The following QPCT variants were observed in gnomAD, a reference collection of about 807,000 sequenced individuals.
QPCT encodes glutaminyl-peptide cyclotransferase.
In QPCT, 44 loss-of-function variants were observed where a neutral mutation model predicts 43.4. The observed-to-expected ratio is 1.01, with a 90% CI of 0.80 to 1.30. QPCT has a LOEUF of 1.30. QPCT is among the 50% of genes most tolerant of loss of function. QPCT has a pLI of 0.00. For synonymous variants in QPCT, 168 were observed against 168.4 expected (o/e 1.00, Z 0.02); for missense variants, 526 against 436.5 (o/e 1.21, Z -1.83).
In QPCT at chr2:37,369,692, T is replaced by A. The variant is rs764385184; in HGVS notation, c.731T>A (p.Leu244Ter). ...TTACTTTTTCTCCCTCAGGATTTAT[T>A]GGTCTTATTGGATTTGATTGGAGCT... is the stretch of plus-strand genomic sequence containing the variant. ...GTSQLHGMDL[L>*]VLLDLIGAPN... The change falls in exon 5 of 7, where the codon TTG becomes TAG. Residue 244 changes from leucine to a stop codon, truncating the protein, a stop_gained. Transcript: ENST00000338415. LOFTEE classifies it high-confidence loss of function. 3.8e-6 allele frequency: 6 copies of A among 1,590,062 alleles called. No homozygotes were observed. The highest frequency in any genetic ancestry group is 5.2e-6 in the Non-Finnish European group (6 of 1,158,044).
At chr2:37,351,424 G>A (rs1672624344) in intron 1 of QPCT, among the ~76,000 whole-genome samples, 1 of 152,176 alleles carries the variant, frequency 6.6e-6, no homozygotes, top group Non-Finnish European at 1.5e-5. Context: ...CAGTATGTGT[G>A]AAGTCATCCA....
intron 2 of QPCT, among the ~76,000 whole-genome samples, chr2:37,355,811 A>G (rs1672730916): frequency 6.6e-6 from 1 of 152,226 alleles, no homozygotes; most frequent in African/African-American, 2.4e-5. Context: ...ATGGGCAAGC[A>G]ATATCCTTTG....
At chr2:37,347,220 T>TATATATAAC (rs1672520799) in intron 1 of QPCT, among the ~76,000 whole-genome samples, 2 of 70,240 alleles carry the variant, frequency 2.8e-5, no homozygotes, top group African/African-American at 1.4e-4. Flanking sequence ...ATATATAACA[T>TATATATAAC]ATATATATAA....
At chr2:37,366,177 G>A (rs188748875) in intron 3 of QPCT, among the ~76,000 whole-genome samples, 8 of 152,302 alleles carry the variant, frequency 5.3e-5, no homozygotes, top group Admixed American at 2.6e-4. Flanking sequence ...GTTCCAGTGG[G>A]ATTGAAGGAC....
chr2:37,369,939 G>A (rs2124943137), intron 5 of QPCT, among the ~76,000 whole-genome samples, 155 bp downstream of exon 5: 1 of 152,270 alleles, frequency 6.6e-6, no homozygotes, highest in East Asian at 1.9e-4. Flanking sequence ...ATCAGCTAGG[G>A]TCAGGAGTTT....
intron 1 of QPCT, 75 bp from the exon 2 acceptor site, chr2:37,352,714 T>C: frequency 1.3e-6 from 2 of 1,523,510 alleles, no homozygotes; most frequent in Non-Finnish European, 1.8e-6. Context: ...TTTTAAGCAA[T>C]TAATTGAAAA....
chr2:37,354,398 T>C (rs1232685622), intron 2 of QPCT, among the ~76,000 whole-genome samples: 1 of 152,346 alleles, frequency 6.6e-6, no homozygotes. Context: ...GGTCAGGCAC[T>C]TTACTGAGTT....
chr2:37,367,366 G>T lies in QPCT; in HGVS notation c.681G>T (p.Pro227=). The change falls in exon 4 of 7, where the codon CCG becomes CCT. Residue 227 remains proline, a synonymous_variant. Transcript: ENST00000338415. ...TAGCTGCAAAGATGGCATCGACCCC[G>T]CACCCACCTGGAGCGAGAGGCACCA... The part of the protein sequence containing the change: ...RHLAAKMAST[P]HPPGARGTSQ... 6.2e-7 allele frequency: 1 copy of T among 1,613,840 alleles called. No individual in the cohort carries two copies. Among genetic ancestry groups the T allele is most frequent in the Non-Finnish European group, 8.5e-7 (1 of 1,179,884 alleles).
rs1227703959 is a variant in QPCT at position 37,359,578 on chromosome 2, A to AGG, written c.268-1_268insGG. The AGG allele has an allele frequency of 6.2e-7, 1 of 1,604,414 alleles. No homozygotes were observed. The highest frequency in any genetic ancestry group is 8.5e-7 in the Non-Finnish European group (1 of 1,174,220). On this transcript the variant is annotated splice_acceptor_variant, in intron 2 of 6. Coordinates refer to ENST00000338415, the MANE Select transcript of QPCT (RefSeq NM_012413.4). LOFTEE classifies it high-confidence loss of function. ...AATTTTTTGTTTTTTTGTTTTGATC[A>AGG]GCACATCATGCAGCGAATTCAGAGG...
chr2:37,367,810 C>T (rs1219325155), intron 4 of QPCT, among the ~76,000 whole-genome samples: 3 of 152,078 alleles, frequency 2.0e-5, no homozygotes, highest in East Asian at 3.9e-4. Flanking sequence ...TCGAGGCTGC[C>T]GTGAGCTATG....
intron 3 of QPCT, among the ~76,000 whole-genome samples, chr2:37,362,403 C>T (rs1252052737): frequency 1.3e-5 from 2 of 152,134 alleles, no homozygotes; most frequent in African/African-American, 4.8e-5. Flanking sequence ...ACCCTGAGTG[C>T]ATTTATATTG....
intron 2 of QPCT, chr2:37,358,758 G>A (rs1173438066): frequency 6.6e-6 from 1 of 152,166 alleles, no homozygotes; most frequent in Non-Finnish European, 1.5e-5. Context: ...ACCTGCCTTG[G>A]GTGCAGAGGG....
chr2:37,365,830 T>C (rs1215778982), intron 3 of QPCT, among the ~76,000 whole-genome samples: 2 of 151,822 alleles, frequency 1.3e-5, no homozygotes, highest in Admixed American at 1.3e-4. Context: ...CCTAGAAGAG[T>C]GCCAGAGTGA....
At chr2:37,365,995 G>A (rs537676915) in intron 3 of QPCT, among the ~76,000 whole-genome samples, 2 of 152,338 alleles carry the variant, frequency 1.3e-5, no homozygotes, top group East Asian at 3.9e-4. Flanking sequence ...AGTAGGTAGA[G>A]TATGTTTTTG....
rs566203052 is a variant in QPCT at position 37,365,378 on chromosome 2, C to T, written c.547-1854C>T. 9.1e-4 allele frequency among the ~76,000 whole-genome samples: 139 copies of T among 152,296 alleles called. 2 individuals are homozygous for T. The highest frequency in any genetic ancestry group is 3.1e-3 in the African/African-American group (130 of 41,564). On this transcript the variant is annotated intron_variant, in intron 3 of 6. Coordinates refer to ENST00000338415, the MANE Select transcript of QPCT (RefSeq NM_012413.4). Reference sequence around the variant, plus strand: ...AGAGATGAAGACTGAGAGTTGACCACTGGATGTAGCCATGTAGAGTCATTG... The same window carrying T: ...AGAGATGAAGACTGAGAGTTGACCATTGGATGTAGCCATGTAGAGTCATTG...
chr2:37,345,261 G>C (rs1672459657), intron 1 of QPCT, among the ~76,000 whole-genome samples: 1 of 152,038 alleles, frequency 6.6e-6, no homozygotes, highest in Non-Finnish European at 1.5e-5. Context: ...TGCGCCTGGG[G>C]GTGTGCCCAC....
chr2:37,369,167 T>C (rs1273939127), intron 4 of QPCT, among the ~76,000 whole-genome samples: 2 of 152,232 alleles, frequency 1.3e-5, no homozygotes, highest in Non-Finnish European at 2.9e-5. Context: ...AGCTTCTTAT[T>C]TGATACACAA....
At chr2:37,346,768 G>A (rs1672497243) in intron 1 of QPCT, among the ~76,000 whole-genome samples, 1 of 152,076 alleles carries the variant, frequency 6.6e-6, no homozygotes, top group Non-Finnish European at 1.5e-5. Flanking sequence ...CCTTCATAAA[G>A]TCTTGCAGCC....
chr2:37,372,111 A>C (rs1167402346), intron 5 of QPCT, among the ~76,000 whole-genome samples: 1 of 151,998 alleles, frequency 6.6e-6, no homozygotes, highest in Non-Finnish European at 1.5e-5. Context: ...TTCTACCTCT[A>C]AGGAGGTTCT....
Sources: allele counts gnomAD v4.1 joint callset (sites outside exome capture counted in the v4.1 genomes callset), GRCh38; gene constraint gnomAD v4.1.1; transcripts MANE v1.5; gene names NCBI Gene and HGNC (gene_info 2026-07-23, HGNC 2026-07-21).